The following ARHGAP8 variants were observed in gnomAD, a reference collection of about 807,000 sequenced individuals.
ARHGAP8 encodes Rho GTPase activating protein 8.
ARHGAP8 carries 62 observed loss-of-function variants against 46.1 expected under a neutral mutation model. The observed-to-expected ratio is 1.34, with a 90% CI of 1.10 to 1.66. The LOEUF (loss-of-function observed/expected upper bound fraction) is 1.66, where lower values mean the gene tolerates loss of function less well. Ranked by LOEUF, ARHGAP8 falls within the 40% of genes most tolerant of loss-of-function variation. ARHGAP8 has a pLI of 0.00. For synonymous variants in ARHGAP8, 375 were observed against 243.1 expected, an observed-to-expected ratio of 1.54 and a Z score of -5.05; for missense variants, 923 against 568.4, an observed-to-expected ratio of 1.62 and a Z score of -6.34.
At chr22:44,756,125 T>C (rs1023138609) in intron 1 of ARHGAP8, among the ~76,000 whole-genome samples, 7 of 152,080 alleles carry the variant, frequency 4.6e-5, no homozygotes, top group Non-Finnish European at 7.4e-5. Context: ...TTCAGTGGCC[T>C]GGACTTTGCA....
chr22:44,801,799 C>T (rs913214639), intron 2 of ARHGAP8: 29 of 488,574 alleles, frequency 5.9e-5, no homozygotes, highest in African/African-American at 4.7e-4. Context: ...TGCCAGCTGG[C>T]TCTGCACTGA....
chr22:44,825,790 C>A (rs1007372770), intron 7 of ARHGAP8, among the ~76,000 whole-genome samples, 197 bp downstream of exon 7: 1 of 133,366 alleles, frequency 7.5e-6, no homozygotes, highest in Non-Finnish European at 1.6e-5. Context: ...CGCGTGCTCG[C>A]TGCTCGGTGC....
Position 44,822,224 on chromosome 22 carries a change from G to A in ARHGAP8, c.387-147G>A, listed in dbSNP as rs184354514. The A allele has an allele frequency of 5.1e-3, 3,241 of 636,862 alleles. 21 individuals carry two copies. Among genetic ancestry groups the A allele is most frequent in the Admixed American group, 6.7e-3 (173 of 25,694 alleles). 39.5% of individuals were successfully genotyped at this position (636,862 alleles called of 1,614,324 possible). ...GGCGTGCGCTGCTTGTGTTATGTTC[G>A]GGTTTTAAGTCGTGTCAGCGTTTAC... is the stretch of plus-strand genomic sequence containing the variant. On this transcript the variant is annotated intron_variant, in intron 5 of 11. Transcript: ENST00000356099.
Position 44,853,967 on chromosome 22 carries a change from C to G in ARHGAP8, c.877+4907C>G, listed in dbSNP as rs543230803. Among the ~76,000 whole-genome samples, 57 of 129,604 alleles carry G rather than the reference C, an allele frequency of 4.4e-4. 1 individual carries two copies. Among genetic ancestry groups the G allele is most frequent in the Non-Finnish European group, 1.2e-4 (8 of 64,512 alleles). 85.0% of individuals were successfully genotyped at this position (129,604 alleles called of 152,430 possible). A position where few individuals can be genotyped will look rare whatever the true frequency, so the allele number is the denominator to read the frequency against. On this transcript the variant is annotated intron_variant, in intron 10 of 11. Transcript: ENST00000356099. Reference sequence around the variant, plus strand: ...GCTTGAACCCGGGAGGCAGAGGTTGCAGTGAGCTGAGATCTCACCATTGCA... The same window carrying G: ...GCTTGAACCCGGGAGGCAGAGGTTGGAGTGAGCTGAGATCTCACCATTGCA...
Position 44,862,508 on chromosome 22 carries a change from G to C in ARHGAP8, c.1215G>C (p.Gln405His), listed in dbSNP as rs765477899. ...AGGGGAGCAGGGCAGCCCCTTTGCA[G>C]GAGGCTGTGCCACGGACACAAGCCA... ...WEQGSRAAPL[Q>H]EAVPRTQATG... Residue 405 changes from glutamine to histidine, a missense_variant, in exon 12 of 12, where the codon CAG (glutamine) becomes CAC (histidine). By Grantham distance (24) the Gln-to-His change is conservative. Coordinates refer to ENST00000356099, the MANE Select transcript of ARHGAP8 (RefSeq NM_181335.3). 71 of 1,613,316 alleles carry C rather than the reference G, an allele frequency of 4.4e-5. No individual in the cohort carries two copies. Among genetic ancestry groups the C allele is most frequent in the Non-Finnish European group, 5.9e-5 (70 of 1,179,426 alleles).
chr22:44,832,775 T>C (rs1569168926), intron 7 of ARHGAP8, among the ~76,000 whole-genome samples: 1 of 152,200 alleles, frequency 6.6e-6, no homozygotes. Context: ...TAACCTCCAA[T>C]ACATTGTTGA....
intron 7 of ARHGAP8, among the ~76,000 whole-genome samples, chr22:44,825,849 GTGCTCGC>G (rs1023691755): frequency 7.8e-6 from 1 of 128,564 alleles, no homozygotes; most frequent in Non-Finnish European, 1.6e-5. Context: ...TGGGGGGCGC[GTGCTCGC>G]TGCTCGGTGC....
rs200455228 is a variant in ARHGAP8, at chr22:44,849,103, A to G, written c.877+43A>G. On this transcript the variant is annotated intron_variant, in intron 10 of 11. Coordinates refer to ENST00000356099, the MANE Select transcript of ARHGAP8 (RefSeq NM_181335.3). ...CGCAGGGGTGGGGGGCTTGGTCCTC[A>G]GATGCTGTCCCCCAGCTACTGGCCC... The G allele has an allele frequency of 7.5e-6, 12 of 1,610,146 alleles. No individual in the cohort carries two copies. In the East Asian group the frequency reaches 1.8e-4, roughly 24 times the overall value.
At chr22:44,825,789 G>T (rs1462303608) in intron 7 of ARHGAP8, among the ~76,000 whole-genome samples, 196 bp downstream of exon 7, 1 of 142,420 alleles carries the variant, frequency 7.0e-6, no homozygotes, top group Admixed American at 7.1e-5. Flanking sequence ...GCGCGTGCTC[G>T]CTGCTCGGTG....
intron 1 of ARHGAP8, among the ~76,000 whole-genome samples, chr22:44,753,855 G>T (rs1033722636): frequency 6.6e-6 from 1 of 152,200 alleles, no homozygotes. Flanking sequence ...CCTGTGAAAT[G>T]CAGTGTTGGC....
intron 2 of ARHGAP8, among the ~76,000 whole-genome samples, chr22:44,789,535 T>A (rs1927511071): frequency 6.6e-6 from 1 of 151,716 alleles, no homozygotes; most frequent in Non-Finnish European, 1.5e-5. Context: ...AGGTCTCACT[T>A]TGTTGCCCAG....
intron 2 of ARHGAP8, among the ~76,000 whole-genome samples, chr22:44,786,913 G>A (rs61697054): frequency 0.13 from 19,078 of 151,760 alleles, 1,770 homozygotes; most frequent in African/African-American, 0.27. Flanking sequence ...GCTACTTGCG[G>A]GGCTGAGGTG....
At chr22:44,862,220 G>A in intron 11 of ARHGAP8, 55 bp from the exon 12 acceptor site, 1 of 1,534,432 alleles carries the variant, frequency 6.5e-7, no homozygotes, top group Non-Finnish European at 8.8e-7. Context: ...GGGAGTTCCA[G>A]GTGCCCGTGC....
chr22:44,796,076 G>C (rs1259083731), intron 2 of ARHGAP8, among the ~76,000 whole-genome samples: 1 of 152,154 alleles, frequency 6.6e-6, no homozygotes, highest in African/African-American at 2.4e-5. Context: ...CCTTGCCCTG[G>C]CGACCTTGAC....
intron 2 of ARHGAP8, among the ~76,000 whole-genome samples, chr22:44,790,701 AG>A: frequency 2.3e-5 from 3 of 130,924 alleles, no homozygotes; most frequent in African/African-American, 2.9e-5. Context: ...AAAAAAAAAG[AG>A]AAGGGGGAGC....
At chr22:44,858,093 G>C (rs1331083687) in intron 10 of ARHGAP8, among the ~76,000 whole-genome samples, 2 of 152,198 alleles carry the variant, frequency 1.3e-5, no homozygotes, top group Non-Finnish European at 2.9e-5. Context: ...TCAAATGACT[G>C]AACAACAGCT....
At chr22:44,817,846 G>T (rs1929861662) in intron 5 of ARHGAP8, among the ~76,000 whole-genome samples, 1 of 151,744 alleles carries the variant, frequency 6.6e-6, no homozygotes, top group African/African-American at 2.4e-5. Flanking sequence ...GAGGCATGGT[G>T]GCTCACACCT....
intron 11 of ARHGAP8, among the ~76,000 whole-genome samples, chr22:44,860,985 C>A (rs903410081): frequency 1.6e-5 from 2 of 128,244 alleles, no homozygotes; most frequent in Admixed American, 7.8e-5. Flanking sequence ...CTCAGAGGCC[C>A]AAAACTAAAC....
chr22:44,857,751 C>G (rs1488686578), intron 10 of ARHGAP8, among the ~76,000 whole-genome samples: 1 of 152,178 alleles, frequency 6.6e-6, no homozygotes, highest in Non-Finnish European at 1.5e-5. Flanking sequence ...GGCCCAGCCT[C>G]CCACATGCAA....
Sources: gnomAD v4.1 joint callset for allele counts (sites outside exome capture counted in the v4.1 genomes callset) on GRCh38, gnomAD v4.1.1 for gene constraint, MANE v1.5 for transcripts, NCBI Gene and HGNC (gene_info 2026-07-23, HGNC 2026-07-21) for gene names.